The following SCG5 variants were observed in gnomAD, a reference collection of about 807,000 sequenced individuals.
SCG5 encodes the protein neuroendocrine protein 7B2.
In SCG5, 18 loss-of-function variants were observed where a neutral mutation model predicts 25.7. The observed-to-expected ratio is 0.70, with a 90% CI of 0.48 to 1.04. The LOEUF (loss-of-function observed/expected upper bound fraction) is 1.04, where lower values mean the gene tolerates loss of function less well. SCG5 is among the 50% of genes least tolerant of loss of function. The pLI is 0.00. For synonymous variants in SCG5, 101 were observed against 91.7 expected (o/e 1.10, Z -0.58); for missense variants, 206 against 259.8 (o/e 0.79, Z 1.42).
At position 32,684,359 on chromosome 15, in the gene SCG5, C is replaced by T. The variant is rs180930023; in HGVS notation, c.377-198C>T. The T allele has an allele frequency of 1.0e-3, 564 of 546,648 alleles. 13 individuals carry two copies. In the South Asian group the frequency reaches 0.014, roughly 13 times the overall value. 33.9% of individuals were successfully genotyped at this position (546,648 alleles called of 1,614,324 possible). On this transcript the variant is annotated intron_variant, in intron 3 of 5. Transcript: ENST00000300175. ...TGGGTTTGGTGAACAGCCAGTGAGTCTCTGCACAGGAGTGGGAGTTTGAGA... is the reference window on the plus strand; with the variant it reads ...TGGGTTTGGTGAACAGCCAGTGAGTTTCTGCACAGGAGTGGGAGTTTGAGA...
chr15:32,644,900 A>G (rs554280959), intron 2 of SCG5, among the ~76,000 whole-genome samples: 1 of 152,354 alleles, frequency 6.6e-6, no homozygotes, highest in Middle Eastern at 3.4e-3. Flanking sequence ...TGTGAATGCC[A>G]TGAATATTGT....
chr15:32,677,020 C>T (rs2054542533), intron 2 of SCG5, among the ~76,000 whole-genome samples: 1 of 151,924 alleles, frequency 6.6e-6, no homozygotes, highest in Admixed American at 6.6e-5. Flanking sequence ...GATAAATTGG[C>T]TATATTTAGA....
intron 2 of SCG5, among the ~76,000 whole-genome samples, chr15:32,677,978 G>T (rs2054557662): frequency 6.6e-6 from 1 of 152,164 alleles, no homozygotes. Flanking sequence ...TAAGTATTTG[G>T]TAGAGACATG....
At chr15:32,649,280 T>C (rs2053997111) in intron 2 of SCG5, among the ~76,000 whole-genome samples, 1 of 152,268 alleles carries the variant, frequency 6.6e-6, no homozygotes, top group Non-Finnish European at 1.5e-5. Context: ...ATGTAAATAC[T>C]GTTTTACATC....
intron 2 of SCG5, among the ~76,000 whole-genome samples, chr15:32,660,162 G>A (rs1266790604): frequency 4.6e-5 from 7 of 152,230 alleles, no homozygotes; most frequent in Non-Finnish European, 8.8e-5. Flanking sequence ...GCACACTGGA[G>A]CCTGGTAAGG....
At chr15:32,660,453 G>C (rs1183350155) in intron 2 of SCG5, among the ~76,000 whole-genome samples, 3 of 152,198 alleles carry the variant, frequency 2.0e-5, no homozygotes, top group African/African-American at 7.2e-5. Context: ...ATGACCATCA[G>C]CCTCTCTCCA....
In SCG5 at chr15:32,657,386, T is replaced by C. The variant is rs907727440; in HGVS notation, c.226+13568T>C. Among the ~76,000 whole-genome samples, 6 of 150,722 alleles carry C rather than the reference T, an allele frequency of 4.0e-5. No individual in the cohort carries two copies. In the South Asian group the frequency reaches 1.3e-3, roughly 32 times the overall value. On this transcript the variant is annotated intron_variant, in intron 2 of 5. Transcript: ENST00000300175. ...CTCTGCTCTGTATTGGTGTTGACCTTAGGCGTGAGAAACATGTGACTGTAA... is the reference window on the plus strand; with the variant it reads ...CTCTGCTCTGTATTGGTGTTGACCTCAGGCGTGAGAAACATGTGACTGTAA...
At chr15:32,684,384 A>G (rs149372717) in intron 3 of SCG5, 173 bp from the exon 4 acceptor site, 6 of 587,138 alleles carry the variant, frequency 1.0e-5, no homozygotes, top group Non-Finnish European at 1.5e-5. Flanking sequence ...GGAGTTTGAG[A>G]TGAGTAATCC....
intron 2 of SCG5, 29 bp from the exon 3 acceptor site, chr15:32,679,737 G>T: frequency 6.2e-7 from 1 of 1,612,672 alleles, no homozygotes; most frequent in South Asian, 1.1e-5. Flanking sequence ...GAATTGCACT[G>T]CAATGAACTA....
chr15:32,645,855 C>T (rs1433492128), intron 2 of SCG5, among the ~76,000 whole-genome samples: 2 of 152,174 alleles, frequency 1.3e-5, no homozygotes, highest in Non-Finnish European at 2.9e-5. Context: ...GAGTCTCACT[C>T]TGTCACCCAG....
rs564038069 is a variant in SCG5 at position 32,695,668 on chromosome 15, C to T, written c.544-846C>T. Among the ~76,000 whole-genome samples, 23 of 152,046 alleles carry T rather than the reference C, an allele frequency of 1.5e-4. No homozygotes were observed. In the South Asian group the frequency reaches 2.9e-3, roughly 19 times the overall value. On this transcript the variant is annotated intron_variant, in intron 5 of 5. Transcript: ENST00000300175. ...TGAATTCTCCTTAGTAAAATACTGG[C>T]GAGGAAGAATCAATCCCAGCAACAG...
At chr15:32,694,232 T>C (rs976126989) in intron 5 of SCG5, among the ~76,000 whole-genome samples, 4 of 152,220 alleles carry the variant, frequency 2.6e-5, no homozygotes, top group Non-Finnish European at 4.4e-5. Context: ...TTTTACCTCC[T>C]CATTAATTTT....
chr15:32,690,852 G>A (rs1192982354), intron 4 of SCG5, among the ~76,000 whole-genome samples: 2 of 147,654 alleles, frequency 1.4e-5, no homozygotes, highest in South Asian at 2.1e-4. Context: ...AGAACAAAAC[G>A]AATCACCTCT....
intron 3 of SCG5, among the ~76,000 whole-genome samples, chr15:32,683,778 A>G (rs2054656378): frequency 6.6e-6 from 1 of 152,222 alleles, no homozygotes; most frequent in Non-Finnish European, 1.5e-5. Context: ...TCTGACTCCA[A>G]AGCTTAAGCT....
intron 2 of SCG5, among the ~76,000 whole-genome samples, chr15:32,665,051 C>T (rs2054296594): frequency 2.0e-5 from 3 of 152,138 alleles, no homozygotes; most frequent in African/African-American, 7.2e-5. Flanking sequence ...GATGAGTAAA[C>T]CCTTTGGGGT....
At chr15:32,642,931 T>G (rs1244737206) in intron 1 of SCG5, among the ~76,000 whole-genome samples, 1 of 152,206 alleles carries the variant, frequency 6.6e-6, no homozygotes, top group Non-Finnish European at 1.5e-5. Flanking sequence ...TTATCTCCGT[T>G]TTGCAGAGGA....
intron 2 of SCG5, among the ~76,000 whole-genome samples, chr15:32,667,477 T>C (rs2054338854): frequency 6.6e-6 from 1 of 152,252 alleles, no homozygotes; most frequent in Non-Finnish European, 1.5e-5. Flanking sequence ...CTGTGTGTAG[T>C]GCTGCAGCTG....
chr15:32,680,431 C>T (rs891488329), intron 3 of SCG5, among the ~76,000 whole-genome samples: 6 of 152,064 alleles, frequency 3.9e-5, no homozygotes, highest in Middle Eastern at 3.4e-3. Context: ...ATCTCCTGAC[C>T]TCATGATCCA....
intron 5 of SCG5, among the ~76,000 whole-genome samples, chr15:32,694,013 G>C (rs1388717705): frequency 6.6e-6 from 1 of 152,132 alleles, no homozygotes; most frequent in African/African-American, 2.4e-5. Context: ...GGGAGGCTGA[G>C]GCAGGAGAAT....
Sources: allele counts gnomAD v4.1 joint callset (sites outside exome capture counted in the v4.1 genomes callset), GRCh38; gene constraint gnomAD v4.1.1; transcripts MANE v1.5; gene names NCBI Gene and HGNC (gene_info 2026-07-23, HGNC 2026-07-21).